Variants in FILIP1 observed in about 807,000 individuals in gnomAD.
FILIP1 encodes the protein filamin A interacting protein 1.
A neutral mutation model predicts 102.1 loss-of-function variants in FILIP1; 61 were observed. The ratio of observed to expected loss-of-function variants is 0.60; its 90% CI spans 0.49 to 0.74. The LOEUF (loss-of-function observed/expected upper bound fraction) is 0.74, where lower values mean the gene tolerates loss of function less well. Among genes scored for constraint, FILIP1 ranks in the 30% least tolerant of loss-of-function variants. The pLI is 0.00. For missense variants in FILIP1, 1,314 were observed against 1,441.2 expected, an observed-to-expected ratio of 0.91 and a Z score of 1.43; for synonymous variants, 491 against 526.9, an observed-to-expected ratio of 0.93 and a Z score of 0.93.
chr6:75,491,407 T>C (rs1332990138), intron 1 of FILIP1, among the ~76,000 whole-genome samples: 1 of 152,120 alleles, frequency 6.6e-6, no homozygotes, highest in African/African-American at 2.4e-5. Flanking sequence ...GCCTAGGTGT[T>C]TGGCAGCAAC....
chr6:75,334,695 G>C (rs1444469035), intron 4 of FILIP1: 2 of 152,022 alleles, frequency 1.3e-5, no homozygotes, highest in Admixed American at 6.6e-5. Context: ...TTTTTATAAG[G>C]GGGTACTGAA....
intron 4 of FILIP1, among the ~76,000 whole-genome samples, chr6:75,325,938 T>C (rs760658491): frequency 6.6e-6 from 1 of 152,128 alleles, no homozygotes. Context: ...AGTCACTATA[T>C]GAAAAAGACA....
At chr6:75,366,796 G>A (rs536503886) in intron 2 of FILIP1, among the ~76,000 whole-genome samples, 1 of 152,216 alleles carries the variant, frequency 6.6e-6, no homozygotes, top group South Asian at 2.1e-4. Context: ...TGTTAAAACT[G>A]TCTGGATATT....
intron 4 of FILIP1, among the ~76,000 whole-genome samples, chr6:75,331,148 G>A (rs866045604): frequency 6.6e-6 from 1 of 152,086 alleles, no homozygotes; most frequent in African/African-American, 2.4e-5. Flanking sequence ...CTGGTAACAT[G>A]CTAATTTAAA....
intron 1 of FILIP1, among the ~76,000 whole-genome samples, chr6:75,476,874 G>A (rs1248631862): frequency 1.3e-5 from 2 of 152,092 alleles, no homozygotes; most frequent in Non-Finnish European, 2.9e-5. Flanking sequence ...CCTAGTGTCT[G>A]GTTTGATCTC....
chr6:75,319,549 G>C (rs1462663373), intron 4 of FILIP1: 2 of 546,606 alleles, frequency 3.7e-6, no homozygotes, highest in Non-Finnish European at 7.1e-6. Flanking sequence ...AAAACTCTGA[G>C]GCCGGGCCCG....
At chr6:75,348,509 T>G (rs1213544789) in intron 4 of FILIP1, among the ~76,000 whole-genome samples, 1 of 152,202 alleles carries the variant, frequency 6.6e-6, no homozygotes, top group Non-Finnish European at 1.5e-5. Context: ...TGATCACAGT[T>G]TGTTGACTTA....
chr6:75,304,617 G>C (rs1051435181), downstream of FILIP1, among the ~76,000 whole-genome samples: 1 of 152,242 alleles, frequency 6.6e-6, no homozygotes, highest in African/African-American at 2.4e-5. Context: ...GGGAAAATGA[G>C]AAAAAGGAAA....
intron 2 of FILIP1, among the ~76,000 whole-genome samples, chr6:75,378,669 G>A (rs1299251687): frequency 6.6e-6 from 1 of 152,140 alleles, no homozygotes; most frequent in East Asian, 1.9e-4. Context: ...ACTAATGCAC[G>A]TGAAGAGAAA....
At chr6:75,470,606 G>GAA (rs1779300707) in intron 1 of FILIP1, among the ~76,000 whole-genome samples, 2 of 152,126 alleles carry the variant, frequency 1.3e-5, no homozygotes, top group Admixed American at 1.3e-4. Flanking sequence ...GAACACATAT[G>GAA]TTGATGAAAT....
chr6:75,478,113 G>A (rs576561751), intron 1 of FILIP1, among the ~76,000 whole-genome samples: 1 of 152,248 alleles, frequency 6.6e-6, no homozygotes, highest in South Asian at 2.1e-4. Context: ...AAAACAAAAG[G>A]ACAACTTATG....
At chr6:75,441,697 C>T (rs1278749032) in intron 1 of FILIP1, among the ~76,000 whole-genome samples, 3 of 142,140 alleles carry the variant, frequency 2.1e-5, no homozygotes, top group East Asian at 4.4e-4. Context: ...GGGCGGCTGG[C>T]CGGGCGGGGG....
intron 1 of FILIP1, among the ~76,000 whole-genome samples, chr6:75,475,340 C>T (rs192828420): frequency 3.5e-4 from 54 of 152,192 alleles, no homozygotes; most frequent in African/African-American, 1.3e-3. Context: ...TATTTATTTC[C>T]CGATAATCCT....
intron 5 of FILIP1, among the ~76,000 whole-genome samples, chr6:75,309,926 T>G (rs73453732): frequency 0.039 from 5,942 of 152,230 alleles, 392 homozygotes; most frequent in African/African-American, 0.14. Context: ...TTAAACTGTT[T>G]TCCACACACA....
chr6:75,387,606 CATT>C (rs1360597658), intron 2 of FILIP1, among the ~76,000 whole-genome samples: 1 of 152,206 alleles, frequency 6.6e-6, no homozygotes, highest in Non-Finnish European at 1.5e-5. Flanking sequence ...GATGGTATCT[CATT>C]GTGGTTTTGA....
chr6:75,296,985 T>C (rs1265018450), intron 6 of FILIP1: 1 of 152,166 alleles, frequency 6.6e-6, no homozygotes, highest in African/African-American at 2.4e-5. Context: ...TAGGTAGGCA[T>C]GGAACTACAT....
At chr6:75,356,319 A>G (rs976418539) in intron 3 of FILIP1, among the ~76,000 whole-genome samples, 2 of 151,936 alleles carry the variant, frequency 1.3e-5, no homozygotes, top group South Asian at 2.1e-4. Flanking sequence ...TGCTCACATT[A>G]TCTTCTTCCC....
Position 75,312,491 on chromosome 6 carries a change from T to C in FILIP1, c.3341A>G (p.Asn1114Ser), listed in dbSNP as rs1773234244. 3.7e-6 allele frequency: 6 copies of C among 1,614,042 alleles called. No homozygotes were observed. Among genetic ancestry groups the C allele is most frequent in the Non-Finnish European group, 5.1e-6 (6 of 1,180,030 alleles). ...TGCACCAGGCCGTGAGGAGAGGTGA[T>C]TCCTGGGAGAGCGAAGGACAGTGCC... ...STGTVLRSPR[N>S]HLSSRPGASK... Residue 1114 changes from asparagine to serine, a missense_variant, in exon 5 of 6, where the codon AAT becomes AGT. Asn to Ser is a conservative substitution (Grantham distance 46, BLOSUM62 1). Transcript: ENST00000237172.
intron 1 of FILIP1, among the ~76,000 whole-genome samples, chr6:75,437,732 G>T (rs113961072): frequency 0.012 from 1,753 of 152,296 alleles, 27 homozygotes; most frequent in African/African-American, 0.04. Flanking sequence ...ACATGTTTGA[G>T]CTGGGGAGGA....
Sources: allele counts gnomAD v4.1 joint callset (sites outside exome capture counted in the v4.1 genomes callset), GRCh38; gene constraint gnomAD v4.1.1; transcripts MANE v1.5; gene names NCBI Gene and HGNC (gene_info 2026-07-23, HGNC 2026-07-21).